Variants in KLRF1 observed in about 807,000 individuals in gnomAD.
KLRF1 encodes killer cell lectin-like receptor subfamily F member 1.
KLRF1 carries 27 observed loss-of-function variants against 30.7 expected under a neutral mutation model. The observed-to-expected ratio is 0.88, with a 90% CI of 0.65 to 1.21. The LOEUF (loss-of-function observed/expected upper bound fraction) is 1.21, where lower values mean the gene tolerates loss of function less well. Among genes scored for constraint, KLRF1 ranks in the 50% most tolerant of loss-of-function variants. The pLI, the probability that KLRF1 is intolerant of heterozygous loss-of-function variation, is 0.00. For missense variants in KLRF1, 246 were observed against 259.3 expected, an observed-to-expected ratio of 0.95 and a Z score of 0.35; for synonymous variants, 92 against 89.3, an observed-to-expected ratio of 1.03 and a Z score of -0.17.
intron 3 of KLRF1, among the ~76,000 whole-genome samples, chr12:9,840,047 C>T (rs1014261554): frequency 2.6e-5 from 4 of 152,086 alleles, no homozygotes; most frequent in African/African-American, 9.7e-5. Context: ...ATACATGCTA[C>T]AACTTTTATG....
chr12:9,800,308 A>C, the KLRF1 span, among the ~76,000 whole-genome samples: 3 of 152,046 alleles, frequency 2.0e-5, no homozygotes, highest in African/African-American at 4.8e-5. Flanking sequence ...GTTTTCAAAG[A>C]AAATTTTAAA....
chr12:9,826,276 C>G (rs1220689216), upstream of KLRF1, among the ~76,000 whole-genome samples: 1 of 152,084 alleles, frequency 6.6e-6, no homozygotes. Context: ...TTCCCACCCT[C>G]TATCCTCCAG....
the KLRF1 span, among the ~76,000 whole-genome samples, chr12:9,802,775 A>G: frequency 1.4e-4 from 21 of 152,208 alleles, no homozygotes; most frequent in East Asian, 4.1e-3. Flanking sequence ...GACTTCTTCA[A>G]GGAGAACTAC....
chr12:9,821,008 T>C, the KLRF1 span, among the ~76,000 whole-genome samples: 1 of 152,100 alleles, frequency 6.6e-6, no homozygotes, highest in Admixed American at 6.5e-5. Context: ...AGAGTTCCCC[T>C]GGGGAGAGGC....
the KLRF1 span, among the ~76,000 whole-genome samples, chr12:9,814,979 G>C: frequency 6.6e-6 from 1 of 152,138 alleles, no homozygotes; most frequent in Admixed American, 6.5e-5. Context: ...AAATAGTTAT[G>C]AGAAGATTTG....
the KLRF1 span, among the ~76,000 whole-genome samples, chr12:9,801,671 T>G: frequency 2.0e-5 from 3 of 152,172 alleles, no homozygotes; most frequent in African/African-American, 7.2e-5. Flanking sequence ...GTTCATATCC[T>G]TTGCCCACTT....
At chr12:9,814,427 A>G in the KLRF1 span, among the ~76,000 whole-genome samples, 7 of 152,070 alleles carry the variant, frequency 4.6e-5, no homozygotes, top group Non-Finnish European at 1.0e-4. Context: ...TGAGCACAAC[A>G]TAGGGGATTG....
intron 3 of KLRF1, among the ~76,000 whole-genome samples, chr12:9,839,186 G>A (rs1336475508): frequency 4.6e-5 from 7 of 151,948 alleles, no homozygotes; most frequent in African/African-American, 1.7e-4. Context: ...TTCTGGTGAG[G>A]GCCCTCTTCT....
At chr12:9,837,530 C>T (rs1339674761) in intron 3 of KLRF1, among the ~76,000 whole-genome samples, 1 of 152,118 alleles carries the variant, frequency 6.6e-6, no homozygotes, top group African/African-American at 2.4e-5. Context: ...CAGCTCAGGG[C>T]TTGTGCCTGG....
chr12:9,843,703 T>C (rs1256561441), intron 5 of KLRF1, among the ~76,000 whole-genome samples: 1 of 152,124 alleles, frequency 6.6e-6, no homozygotes, highest in African/African-American at 2.4e-5. Context: ...TTTTTGTCCA[T>C]AATATGTTCA....
At chr12:9,823,238 A>G (rs1270047475), upstream of KLRF1, among the ~76,000 whole-genome samples, 1 of 142,368 alleles carries the variant, frequency 7.0e-6, no homozygotes, top group East Asian at 2.0e-4. Flanking sequence ...AAAAAAAAAC[A>G]AAAACTCAAA....
chr12:9,834,776 C>T (rs1565506784), intron 3 of KLRF1, among the ~76,000 whole-genome samples: 1 of 152,052 alleles, frequency 6.6e-6, no homozygotes. Context: ...TGGACCCTAT[C>T]CTTGAGTTTT....
chr12:9,829,745 C>T (rs543769003), intron 1 of KLRF1, among the ~76,000 whole-genome samples: 7 of 152,110 alleles, frequency 4.6e-5, no homozygotes, highest in East Asian at 3.9e-4. Context: ...AGCAACAGAG[C>T]GAGACCCTGT....
chr12:9,826,510 C>CA (rs1867286140), upstream of KLRF1, among the ~76,000 whole-genome samples: 2 of 152,100 alleles, frequency 1.3e-5, no homozygotes, highest in Admixed American at 6.6e-5. Flanking sequence ...TTTGACCCAG[C>CA]AATCCCATTA....
At chr12:9,801,023 G>C in the KLRF1 span, among the ~76,000 whole-genome samples, 1 of 151,758 alleles carries the variant, frequency 6.6e-6, no homozygotes, top group Non-Finnish European at 1.5e-5. Context: ...ACTGGCACTA[G>C]TGTGTGTTGT....
chr12:9,830,112 T>A (rs1419863737), intron 1 of KLRF1, among the ~76,000 whole-genome samples: 1 of 152,206 alleles, frequency 6.6e-6, no homozygotes, highest in Non-Finnish European at 1.5e-5. Context: ...TTTGTTTTGT[T>A]TGTATTGGGT....
chr12:9,825,260 T>TAAAAA (rs35934573), upstream of KLRF1, among the ~76,000 whole-genome samples: 117 of 138,088 alleles, frequency 8.5e-4, no homozygotes, highest in African/African-American at 2.7e-3. Context: ...AAGGTACTGG[T>TAAAAA]AAAAAAAAAA....
chr12:9,814,320 A>T, the KLRF1 span, among the ~76,000 whole-genome samples: 1 of 152,008 alleles, frequency 6.6e-6, no homozygotes, highest in African/African-American at 2.4e-5. Flanking sequence ...GGCTTTCTCC[A>T]CCCACTGCCA....
Position 9,833,433 on chromosome 12 carries a change from G to A in KLRF1, c.315G>A (p.Ser105=), listed in dbSNP as rs1591755945. Residue 105 remains serine (S), a synonymous_variant, in exon 3 of 6, where the codon TCG becomes TCA. Coordinates refer to ENST00000617889, the MANE Select transcript of KLRF1 (RefSeq NM_016523.3). ...RNISNKDLCA[S]RSADQTVLCQ... is the part of the protein sequence containing the mutation. ...TAAGTAATAAGGACCTTTGTGCTTCGAGATCTGCAGACCAGACAGGTATGT... is the reference window on the plus strand; with the variant it reads ...TAAGTAATAAGGACCTTTGTGCTTCAAGATCTGCAGACCAGACAGGTATGT... 8 of 1,607,938 alleles carry A rather than the reference G, an allele frequency of 5.0e-6. No homozygotes were observed. The highest frequency in any genetic ancestry group is 2.2e-5 in the East Asian group (1 of 44,552).
Sources: allele counts gnomAD v4.1 joint callset (sites outside exome capture counted in the v4.1 genomes callset), GRCh38; gene constraint gnomAD v4.1.1; transcripts MANE v1.5; gene names NCBI Gene and HGNC (gene_info 2026-07-23, HGNC 2026-07-21).